The following PAX7 variants were observed in gnomAD, a reference collection of about 807,000 sequenced individuals.
PAX7 encodes paired box protein Pax-7.
Under a neutral mutation model 50.7 loss-of-function variants are expected in PAX7, and 18 were observed. The observed-to-expected ratio is 0.36, with a 90% CI of 0.25 to 0.53. The LOEUF (loss-of-function observed/expected upper bound fraction) is 0.53, where lower values mean the gene tolerates loss of function less well. Ranked by LOEUF, PAX7 falls within the 20% of genes least tolerant of loss-of-function variation. The pLI is 0.93. For synonymous variants in PAX7, 310 were observed against 290.4 expected (o/e 1.07, Z -0.69); for missense variants, 644 against 702.9 (o/e 0.92, Z 0.95).
chr1:18,637,815 C>T (rs1194447201), intron 4 of PAX7, among the ~76,000 whole-genome samples: 4 of 152,256 alleles, frequency 2.6e-5, no homozygotes, highest in East Asian at 3.9e-4. Context: ...GCCGCAGTCC[C>T]GCCCGGGACA....
chr1:18,647,850 G>A (rs975548370), intron 4 of PAX7, among the ~76,000 whole-genome samples: 5 of 152,144 alleles, frequency 3.3e-5, no homozygotes, highest in African/African-American at 1.2e-4. Context: ...GTGGGGTGGG[G>A]GCAGATGCTC....
At chr1:18,647,368 C>T (rs2088362281) in intron 4 of PAX7, among the ~76,000 whole-genome samples, 1 of 152,110 alleles carries the variant, frequency 6.6e-6, no homozygotes, top group African/African-American at 2.4e-5. Context: ...CTCTAGTCCT[C>T]CTCTGTGACC....
In PAX7 at chr1:18,748,167, G is replaced by A. The variant is rs1302668109; in HGVS notation, c.*3238G>A. ...AGAGAGGTTTGCCCAGAAGGAAAAC[G>A]AAGAGCCAGATTGAAATCTGACTCT... On this transcript the variant is annotated 3_prime_UTR_variant, in exon 9 of 9. Transcript: ENST00000420770. 3 of 221,822 alleles carry A rather than the reference G, an allele frequency of 1.4e-5. No individual in the cohort carries two copies. The highest frequency in any genetic ancestry group is 6.6e-5 in the East Asian group (1 of 15,256). 13.7% of individuals were successfully genotyped at this position (221,822 alleles called of 1,614,324 possible). A position where few individuals can be genotyped will look rare whatever the true frequency, so the allele number is the denominator to read the frequency against.
rs185811278 is a variant in PAX7 at position 18,673,941 on chromosome 1, G to A, written c.587-17813G>A. Among the ~76,000 whole-genome samples the A allele has an allele frequency of 3.5e-3, 527 of 152,352 alleles. 3 individuals are homozygous for A. The highest frequency in any genetic ancestry group is 4.2e-3 in the Non-Finnish European group (287 of 68,032). ...TCGACCTCTTGGAACTGTTCAGCTG[G>A]CTAGCTGGGGCTTCCAGCGTGGGGC... On this transcript the variant is annotated intron_variant, in intron 4 of 8. Transcript: ENST00000420770.
chr1:18,738,142 C>CTGTG (rs374135110), intron 8 of PAX7, among the ~76,000 whole-genome samples: 8 of 149,810 alleles, frequency 5.3e-5, no homozygotes, highest in Admixed American at 1.3e-4. Flanking sequence ...GTGTGTATAA[C>CTGTG]TGTGTGTGTG....
chr1:18,641,466 C>T (rs1314286079), intron 4 of PAX7, among the ~76,000 whole-genome samples: 1 of 152,150 alleles, frequency 6.6e-6, no homozygotes, highest in South Asian at 2.1e-4. Flanking sequence ...GAGTGAGGTT[C>T]CCGTGCTCAG....
intron 4 of PAX7, among the ~76,000 whole-genome samples, chr1:18,662,381 C>G (rs948538256): frequency 6.6e-6 from 1 of 152,166 alleles, no homozygotes; most frequent in African/African-American, 2.4e-5. Context: ...TTTCTGCAGT[C>G]CTGGAATTTG....
intron 4 of PAX7, among the ~76,000 whole-genome samples, chr1:18,654,133 C>G (rs1195782663): frequency 6.6e-6 from 1 of 152,180 alleles, no homozygotes; most frequent in Non-Finnish European, 1.5e-5. Flanking sequence ...AGCACAGCAG[C>G]CCAGTCCAGA....
rs1352125514 is a variant in PAX7, at chr1:18,700,707, C to T, written c.841C>T (p.Leu281=). ...RWRKQAGANQ[L]AAFNHLLPGG... ...GCGTAAGCAGGCAGGAGCCAACCAGCTGGCGGCGTTCAACCACCTTCTGCC... is the reference window on the plus strand; with the variant it reads ...GCGTAAGCAGGCAGGAGCCAACCAGTTGGCGGCGTTCAACCACCTTCTGCC... The change falls in exon 6 of 9, where the codon CTG becomes TTG. Residue 281 remains leucine (L), a synonymous_variant. Coordinates refer to ENST00000420770, the MANE Select transcript of PAX7 (RefSeq NM_001135254.2). The surrounding 1 kb of genome is among the most constrained non-coding windows in gnomAD (Gnocchi z 4.8). 2 of 1,601,694 alleles carry T rather than the reference C, an allele frequency of 1.2e-6. No homozygotes were observed. The highest frequency in any genetic ancestry group is 1.7e-5 in the Admixed American group (1 of 58,360).
chr1:18,663,895 C>T (rs1283230142), intron 4 of PAX7, among the ~76,000 whole-genome samples: 2 of 152,248 alleles, frequency 1.3e-5, no homozygotes, highest in East Asian at 3.8e-4. Flanking sequence ...CAGCTGCTAC[C>T]AGCCCATGCC....
intron 7 of PAX7, among the ~76,000 whole-genome samples, chr1:18,704,331 T>A (rs752833492): frequency 1.1e-4 from 17 of 152,224 alleles, no homozygotes; most frequent in Non-Finnish European, 1.9e-4. Context: ...TTAAAAGAGA[T>A]CATATAAGGC....
chr1:18,720,408 G>C (rs1032850359), intron 7 of PAX7, among the ~76,000 whole-genome samples: 1 of 152,204 alleles, frequency 6.6e-6, no homozygotes, highest in Admixed American at 6.5e-5. Flanking sequence ...AGCTAGACCA[G>C]GGTATGGGCC....
At chr1:18,712,543 T>C (rs905946752) in intron 7 of PAX7, among the ~76,000 whole-genome samples, 2 of 152,184 alleles carry the variant, frequency 1.3e-5, no homozygotes, top group Non-Finnish European at 2.9e-5. Flanking sequence ...TTAGGAACTT[T>C]CCAGACTGCT....
At chr1:18,640,200 G>C (rs1245847166) in intron 4 of PAX7, among the ~76,000 whole-genome samples, 1 of 152,192 alleles carries the variant, frequency 6.6e-6, no homozygotes, top group Admixed American at 6.5e-5. Flanking sequence ...GGAAAGGAGG[G>C]GAGAGCCCGG....
chr1:18,742,181 G>T (rs1399130176), intron 8 of PAX7, among the ~76,000 whole-genome samples: 1 of 124,548 alleles, frequency 8.0e-6, no homozygotes, highest in Non-Finnish European at 1.6e-5. Flanking sequence ...TTTTTGAGAC[G>T]GAGTCTTGCT....
intron 7 of PAX7, among the ~76,000 whole-genome samples, chr1:18,729,443 T>C (rs894431549): frequency 1.3e-5 from 2 of 152,218 alleles, no homozygotes; most frequent in Admixed American, 6.5e-5. Context: ...CCTCCCAAGT[T>C]TCATGTGCAT....
At chr1:18,744,226 G>T (rs1222279201) in intron 8 of PAX7, among the ~76,000 whole-genome samples, 2 of 152,126 alleles carry the variant, frequency 1.3e-5, no homozygotes, top group Non-Finnish European at 2.9e-5. Context: ...CTGCACTCAG[G>T]GATTCACAGG....
intron 4 of PAX7, among the ~76,000 whole-genome samples, chr1:18,676,246 A>G (rs1436079011): frequency 6.6e-6 from 1 of 152,078 alleles, no homozygotes; most frequent in Non-Finnish European, 1.5e-5. Flanking sequence ...ACTCTTTCCC[A>G]GAGTGTTGCA....
chr1:18,721,071 A>G lies in PAX7; in HGVS notation c.1156-14561A>G, dbSNP rs185709184. 7.6e-3 allele frequency among the ~76,000 whole-genome samples: 1,150 copies of G among 151,940 alleles called. 7 individuals carry two copies. Among genetic ancestry groups the G allele is most frequent in the Non-Finnish European group, 0.011 (777 of 67,924 alleles). ...GGTCCCTTTCTCTCCCAGCCTAGTG[A>G]CCTGCCAGAGCCAGCTTCTCTCCAC... On this transcript the variant is annotated intron_variant, in intron 7 of 8. Coordinates refer to ENST00000420770, the MANE Select transcript of PAX7 (RefSeq NM_001135254.2).
Sources: gnomAD v4.1 joint callset for allele counts (sites outside exome capture counted in the v4.1 genomes callset) on GRCh38, gnomAD v4.1.1 for gene constraint, Gnocchi (gnomAD v3.1) non-coding constraint, MANE v1.5 for transcripts, NCBI Gene and HGNC (gene_info 2026-07-23, HGNC 2026-07-21) for gene names.